The following TNKS variants were observed in gnomAD, a reference collection of about 807,000 sequenced individuals.
TNKS encodes the protein poly [ADP-ribose] polymerase tankyrase-1.
TNKS carries 72 observed loss-of-function variants against 135.8 expected under a neutral mutation model. That is an observed-to-expected ratio of 0.53 (90% CI 0.44 to 0.64). The LOEUF is 0.64. TNKS is among the 30% of genes least tolerant of loss of function. The probability of loss-of-function intolerance (pLI) is 0.00; values close to 1 mark genes in which losing one functional copy is unlikely to be tolerated. For synonymous variants in TNKS, 849 were observed against 649.3 expected (o/e 1.31, Z -4.68); for missense variants, 1,769 against 1,674.0 (o/e 1.06, Z -0.99).
intron 3 of TNKS, among the ~76,000 whole-genome samples, chr8:9,630,289 G>A (rs915377370): frequency 5.3e-5 from 8 of 152,096 alleles, no homozygotes; most frequent in African/African-American, 1.9e-4. Flanking sequence ...GTGCTTCATA[G>A]ACTAGCACTG....
At chr8:9,752,236 AC>A (rs1806583201) in intron 19 of TNKS, among the ~76,000 whole-genome samples, 2 of 152,214 alleles carry the variant, frequency 1.3e-5, no homozygotes, top group South Asian at 4.1e-4. Context: ...TAAGAATTAT[AC>A]TATAATGTTA....
intron 1 of TNKS, among the ~76,000 whole-genome samples, chr8:9,578,810 C>T (rs1261746421): frequency 6.6e-6 from 1 of 152,130 alleles, no homozygotes; most frequent in Non-Finnish European, 1.5e-5. Flanking sequence ...AGACCTAATA[C>T]AATTTAAAGT....
chr8:9,584,529 A>G (rs938547567), intron 2 of TNKS, among the ~76,000 whole-genome samples: 9 of 152,282 alleles, frequency 5.9e-5, no homozygotes, highest in South Asian at 2.1e-4. Flanking sequence ...TCTTAGCTCT[A>G]CAGCTTCTTA....
At chr8:9,622,664 A>G (rs1043056167) in intron 3 of TNKS, among the ~76,000 whole-genome samples, 2 of 152,328 alleles carry the variant, frequency 1.3e-5, no homozygotes, top group South Asian at 2.1e-4. Context: ...GCCCCTAAAT[A>G]TAAACTCCAG....
At chr8:9,724,324 A>G (rs1044901835) in intron 12 of TNKS, among the ~76,000 whole-genome samples, 2 of 152,134 alleles carry the variant, frequency 1.3e-5, no homozygotes, top group Admixed American at 1.3e-4. Context: ...ATGGTGGTGC[A>G]TGCCTATGGT....
chr8:9,600,245 C>G (rs148443450), intron 2 of TNKS, among the ~76,000 whole-genome samples: 1 of 152,302 alleles, frequency 6.6e-6, no homozygotes, highest in Admixed American at 6.5e-5. Flanking sequence ...TTAACTCTAA[C>G]TATGGCATAT....
chr8:9,737,871 G>A (rs1217613664), intron 17 of TNKS, among the ~76,000 whole-genome samples: 1 of 6,774 alleles, frequency 1.5e-4, no homozygotes. Flanking sequence ...TCTCTTTTTT[G>A]GTTGTGTCTC....
At chr8:9,719,661 G>C (rs1401348526) in intron 11 of TNKS, among the ~76,000 whole-genome samples, 1 of 152,128 alleles carries the variant, frequency 6.6e-6, no homozygotes, top group Non-Finnish European at 1.5e-5. Flanking sequence ...AATGAACGTG[G>C]ACTTGGGTCT....
intron 18 of TNKS, among the ~76,000 whole-genome samples, chr8:9,750,757 A>G (rs911955954): frequency 3.3e-5 from 5 of 152,142 alleles, no homozygotes; most frequent in African/African-American, 9.7e-5. Context: ...ACAATTTATT[A>G]TTTCTCACAC....
rs77978591 is a variant in TNKS, at chr8:9,639,357, C to T, written c.994+23680C>T. Among the ~76,000 whole-genome samples the T allele has an allele frequency of 2.9e-3, 441 of 152,042 alleles. 1 individual carries two copies. The highest frequency in any genetic ancestry group is 7.1e-3 in the African/African-American group (295 of 41,488). ...GAGTAGCTTATGAACAGTTTATTGC[C>T]AGGATGTAAGAGTGGCTTTCTTTTG... is the stretch of plus-strand genomic sequence containing the variant. On this transcript the variant is annotated intron_variant, in intron 3 of 26. Coordinates refer to ENST00000310430, the MANE Select transcript of TNKS (RefSeq NM_003747.3).
At chr8:9,593,327 C>T (rs891229651) in intron 2 of TNKS, among the ~76,000 whole-genome samples, 5 of 152,092 alleles carry the variant, frequency 3.3e-5, no homozygotes, top group African/African-American at 9.7e-5. Context: ...GTTACTTTGC[C>T]ACAGTCTGTA....
chr8:9,603,604 A>T (rs542136227), intron 2 of TNKS, among the ~76,000 whole-genome samples: 3 of 152,294 alleles, frequency 2.0e-5, no homozygotes, highest in South Asian at 4.1e-4. Flanking sequence ...CCTGTTCTTA[A>T]ATCTCTATTT....
chr8:9,557,200 T>C (rs1048583430), intron 1 of TNKS: 2 of 153,038 alleles, frequency 1.3e-5, no homozygotes, highest in Non-Finnish European at 2.9e-5. Context: ...TATATGATGA[T>C]GGAAGAAATA....
At chr8:9,646,316 C>G (rs562839746) in intron 3 of TNKS, among the ~76,000 whole-genome samples, 4 of 152,010 alleles carry the variant, frequency 2.6e-5, no homozygotes, top group African/African-American at 4.8e-5. Flanking sequence ...ACGAATAATG[C>G]CTTACCTGCA....
chr8:9,578,420 A>G (rs961232109), intron 1 of TNKS, among the ~76,000 whole-genome samples: 5 of 152,242 alleles, frequency 3.3e-5, no homozygotes, highest in African/African-American at 1.2e-4. Context: ...CATGTACCCT[A>G]TGCTTTTACT....
At chr8:9,654,554 T>A (rs1014601246) in intron 3 of TNKS, among the ~76,000 whole-genome samples, 8 of 152,138 alleles carry the variant, frequency 5.3e-5, no homozygotes, top group Non-Finnish European at 1.2e-4. Flanking sequence ...AAAAGAAGAG[T>A]AGTTGTTTTA....
At position 9,574,554 on chromosome 8, in the gene TNKS, C is replaced by A. The variant is rs542851164; in HGVS notation, c.674-5605C>A. 2.0e-5 allele frequency among the ~76,000 whole-genome samples: 3 copies of A among 152,250 alleles called. No individual in the cohort carries two copies. The East Asian group carries it at 5.8e-4, about 29-fold the overall frequency. On this transcript the variant is annotated intron_variant, in intron 1 of 26. Transcript: ENST00000310430. ...GATCCTTTTAAGATTTAAATAGAAT[C>A]AAGTAATTTCCCTAATAAATGGTTT...
chr8:9,617,003 A>C (rs1369076107), intron 3 of TNKS, among the ~76,000 whole-genome samples: 1 of 152,226 alleles, frequency 6.6e-6, no homozygotes, highest in Non-Finnish European at 1.5e-5. Context: ...AATGCTGAGC[A>C]AGACTCTTTG....
chr8:9,703,694 G>A (rs1193115216), intron 5 of TNKS, among the ~76,000 whole-genome samples: 1 of 152,134 alleles, frequency 6.6e-6, no homozygotes, highest in East Asian at 1.9e-4. Context: ...TCTGGAATAG[G>A]TGAAGCAAAT....
Sources: gnomAD v4.1 joint callset for allele counts (sites outside exome capture counted in the v4.1 genomes callset) on GRCh38, gnomAD v4.1.1 for gene constraint, MANE v1.5 for transcripts, NCBI Gene and HGNC (gene_info 2026-07-23, HGNC 2026-07-21) for gene names.